RUNX1: variants seen among roughly 807,000 people sequenced by gnomAD.
RUNX1 encodes runt-related transcription factor 1.
In RUNX1, 19 loss-of-function variants were observed where a neutral mutation model predicts 42.8. That is an observed-to-expected ratio of 0.44 (90% CI 0.31 to 0.65). The LOEUF (loss-of-function observed/expected upper bound fraction) is 0.65. RUNX1 is among the 30% of genes least tolerant of loss of function. The pLI is 0.07. For synonymous variants in RUNX1, 271 were observed against 289.4 expected (o/e 0.94, Z 0.64); for missense variants, 528 against 672.0 (o/e 0.79, Z 2.37).
At chr21:34,967,350 A>AAAAAAG (rs2058728290) in intron 2 of RUNX1, among the ~76,000 whole-genome samples, 3 of 143,068 alleles carry the variant, frequency 2.1e-5, no homozygotes, top group African/African-American at 5.2e-5. Context: ...AAAAAAAAAA[A>AAAAAAG]AAGAAGAATA....
At chr21:34,979,555 C>T (rs2058831123) in intron 2 of RUNX1, among the ~76,000 whole-genome samples, 1 of 152,218 alleles carries the variant, frequency 6.6e-6, no homozygotes, top group Non-Finnish European at 1.5e-5. Flanking sequence ...AACCACCAGA[C>T]TGCTATTTAG....
chr21:35,046,474 TAAATTA>T (rs2059396940), intron 2 of RUNX1, among the ~76,000 whole-genome samples: 1 of 152,192 alleles, frequency 6.6e-6, no homozygotes, highest in South Asian at 2.1e-4. Context: ...ACACACGCTG[TAAATTA>T]TAGGCAGCCA....
intron 2 of RUNX1, among the ~76,000 whole-genome samples, chr21:35,015,501 G>A (rs1243051573): frequency 6.6e-6 from 1 of 152,134 alleles, no homozygotes; most frequent in Non-Finnish European, 1.5e-5. Flanking sequence ...AAAGAAACTC[G>A]TCCTACTCGC....
intron 2 of RUNX1, among the ~76,000 whole-genome samples, chr21:34,931,013 C>A (rs1211272077): frequency 1.3e-5 from 2 of 152,002 alleles, no homozygotes; most frequent in African/African-American, 4.8e-5. Flanking sequence ...GCAAGAGAGG[C>A]CCCATCACTG....
intron 7 of RUNX1, among the ~76,000 whole-genome samples, chr21:34,831,431 T>A (rs1272429343): frequency 2.0e-5 from 3 of 152,226 alleles, no homozygotes; most frequent in Non-Finnish European, 4.4e-5. Context: ...TCTAGGTAAG[T>A]ATTGGTGCTA....
intron 2 of RUNX1, among the ~76,000 whole-genome samples, chr21:34,955,882 C>T (rs561436489): frequency 1.3e-5 from 2 of 152,232 alleles, no homozygotes; most frequent in African/African-American, 4.8e-5. Context: ...GTTGCTTTTC[C>T]GGAATAGGCA....
chr21:34,936,264 GC>G (rs201106800), intron 2 of RUNX1, among the ~76,000 whole-genome samples: 6 of 149,246 alleles, frequency 4.0e-5, no homozygotes, highest in African/African-American at 1.5e-4. Flanking sequence ...TTAGAATTCA[GC>G]CCCCCTCTTT....
intron 7 of RUNX1, among the ~76,000 whole-genome samples, chr21:34,809,413 C>T (rs936661227): frequency 6.6e-6 from 1 of 152,012 alleles, no homozygotes; most frequent in African/African-American, 2.4e-5. Flanking sequence ...AGGATACTCA[C>T]TCCAGTAAAA....
At chr21:34,950,019 C>G (rs968951279) in intron 2 of RUNX1, among the ~76,000 whole-genome samples, 2 of 152,118 alleles carry the variant, frequency 1.3e-5, no homozygotes, top group Non-Finnish European at 2.9e-5. Flanking sequence ...CATGAAGCAG[C>G]CTTAGAGATC....
At chr21:34,975,257 A>C (rs76839523) in intron 2 of RUNX1, among the ~76,000 whole-genome samples, 2,040 of 152,330 alleles carry the variant, frequency 0.013, 61 homozygotes, top group African/African-American at 0.046. Context: ...ATGAAGATAC[A>C]TATTTGGCTT....
chr21:35,048,980 A>T (rs371683015), intron 1 of RUNX1, 22 bp from the exon 2 acceptor site: 2 of 1,229,876 alleles, frequency 1.6e-6, no homozygotes, highest in East Asian at 2.3e-5. Context: ...AAACCAAGAC[A>T]GGTCACTGTT....
chr21:34,834,099 T>TA, intron 7 of RUNX1: 1 of 579,154 alleles, frequency 1.7e-6, no homozygotes. Context: ...AGCTAACTCT[T>TA]AAAAAATTCA....
At chr21:34,906,323 G>C (rs2146504384) in intron 2 of RUNX1, among the ~76,000 whole-genome samples, 2 of 152,310 alleles carry the variant, frequency 1.3e-5, no homozygotes, top group Middle Eastern at 6.8e-3. Flanking sequence ...GCTAGTCCGT[G>C]AGGACAGAGA....
chr21:34,909,145 C>T lies in RUNX1; in HGVS notation c.59-16182G>A, dbSNP rs114555010. Among the ~76,000 whole-genome samples the T allele has an allele frequency of 2.2e-3, 341 of 152,156 alleles. 1 individual carries two copies. The highest frequency in any genetic ancestry group is 7.8e-3 in the African/African-American group (324 of 41,506). ...GTAGGGCTAATTTCGGGGTCTGATC[C>T]GTGTGGCTCCCCATGCTCCTGACAG... is the stretch of plus-strand genomic sequence containing the variant. On this transcript the variant is annotated intron_variant, in intron 2 of 8. Coordinates refer to ENST00000675419, the MANE Select transcript of RUNX1 (RefSeq NM_001754.5).
At chr21:34,940,434 G>A (rs1230443205) in intron 2 of RUNX1, among the ~76,000 whole-genome samples, 1 of 152,088 alleles carries the variant, frequency 6.6e-6, no homozygotes, top group Non-Finnish European at 1.5e-5. Flanking sequence ...ATAATAAATG[G>A]CACCCAGCAG....
intron 2 of RUNX1, among the ~76,000 whole-genome samples, chr21:34,925,883 A>C (rs192356018): frequency 6.6e-6 from 1 of 152,290 alleles, no homozygotes; most frequent in East Asian, 1.9e-4. Context: ...AATAGTCAGA[A>C]GGGTGTAGAG....
At chr21:34,948,908 G>T (rs1470118233) in intron 2 of RUNX1, among the ~76,000 whole-genome samples, 1 of 152,090 alleles carries the variant, frequency 6.6e-6, no homozygotes, top group Non-Finnish European at 1.5e-5. Flanking sequence ...ACTGTGCCCA[G>T]CTACTTTTTG....
intron 2 of RUNX1, among the ~76,000 whole-genome samples, chr21:34,975,311 G>T (rs2058793249): frequency 6.6e-6 from 1 of 152,198 alleles, no homozygotes; most frequent in African/African-American, 2.4e-5. Flanking sequence ...AACCAACTGT[G>T]GATCTCTCTA....
At chr21:34,987,698 C>A (rs1046966350) in intron 2 of RUNX1, among the ~76,000 whole-genome samples, 63 of 152,274 alleles carry the variant, frequency 4.1e-4, no homozygotes, top group African/African-American at 1.5e-3. Flanking sequence ...GCATTTTATC[C>A]TAGCTAGGAG....
Sources: allele counts gnomAD v4.1 joint callset (sites outside exome capture counted in the v4.1 genomes callset), GRCh38; gene constraint gnomAD v4.1.1; transcripts MANE v1.5; gene names NCBI Gene and HGNC (gene_info 2026-07-23, HGNC 2026-07-21).